IPO13: variants seen among roughly 807,000 people sequenced by gnomAD.
IPO13 encodes importin-13.
In IPO13, 28 loss-of-function variants were observed where a neutral mutation model predicts 115.5. That is an observed-to-expected ratio of 0.24 (90% CI 0.18 to 0.33). The LOEUF is 0.33. Ranked by LOEUF, IPO13 falls within the 10% of genes least tolerant of loss-of-function variation. The pLI is 1.00. For missense variants in IPO13, 785 were observed against 1,204.6 expected, an observed-to-expected ratio of 0.65 and a Z score of 5.16; for synonymous variants, 414 against 478.9, an observed-to-expected ratio of 0.86 and a Z score of 1.77.
At position 43,966,139 on chromosome 1, in the gene IPO13, G is replaced by A; in HGVS notation, c.2398-436G>A. 1.1e-5 allele frequency: 3 copies of A among 262,604 alleles called. No individual in the cohort carries two copies. Among genetic ancestry groups the A allele is most frequent in the Non-Finnish European group, 2.3e-5 (3 of 131,616 alleles). The allele number at this position is 262,604 out of a possible 1,614,324, so 16.3% of individuals were successfully genotyped here. A position where few individuals can be genotyped will look rare whatever the true frequency, so the allele number is the denominator to read the frequency against. ...GAGGGACATGGGAGGAGGGCTGTTG[G>A]GCTGAGGGCTCCCTGTCTGGCTGCC... On this transcript the variant is annotated intron_variant, in intron 15 of 19. Transcript: ENST00000372343. The surrounding 1 kb of genome is among the most constrained non-coding windows in gnomAD (Gnocchi z 4.1).
Position 43,947,300 on chromosome 1 carries a change from A to G in IPO13, c.-301A>G, listed in dbSNP as rs996703910. The stretch of plus-strand genomic sequence containing the variant: ...CTCCCTCCCCTGTGACTCCCTCCAC[A>G]CAGATTCTGGGGACAGAGCTGTTAC... On this transcript the variant is annotated 5_prime_UTR_variant, in exon 1 of 20. Coordinates refer to ENST00000372343, the MANE Select transcript of IPO13 (RefSeq NM_014652.4). 3 of 398,890 alleles carry G rather than the reference A, an allele frequency of 7.5e-6. No homozygotes were observed. The highest frequency in any genetic ancestry group is 6.2e-4 in the Middle Eastern group (1 of 1,612). 24.7% of individuals were successfully genotyped at this position (398,890 alleles called of 1,614,324 possible).
chr1:43,949,512 C>T lies in IPO13; in HGVS notation c.180C>T (p.His60=), dbSNP rs199832608. The T allele has an allele frequency of 1.3e-5, 21 of 1,614,210 alleles. No individual in the cohort carries two copies. The Admixed American group carries it at 3.3e-4, about 26-fold the overall frequency. ...CCCAGGTCTCCCCACAGGCCTGGCA[C>T]TTCAGCTGGCAGCTACTGCAGCCCG... ...MQAQVSPQAW[H]FSWQLLQPDK... Residue 60 remains histidine, a synonymous_variant, in exon 2 of 20, where the codon CAC becomes CAT. Coordinates refer to ENST00000372343, the MANE Select transcript of IPO13 (RefSeq NM_014652.4).
At chr1:43,964,038 G>A (rs528891636) in intron 14 of IPO13, among the ~76,000 whole-genome samples, 3 of 152,348 alleles carry the variant, frequency 2.0e-5, no homozygotes, top group East Asian at 1.9e-4. Context: ...GGGAGTAGGC[G>A]GAAGGCCCCT....
Position 43,956,717 on chromosome 1 carries a change from C to T in IPO13, c.1104+16C>T, listed in dbSNP as rs771852341. 7 of 1,614,202 alleles carry T rather than the reference C, an allele frequency of 4.3e-6. No homozygotes were observed. Among genetic ancestry groups the T allele is most frequent in the Non-Finnish European group, 5.9e-6 (7 of 1,180,020 alleles). On this transcript the variant is annotated intron_variant, in intron 4 of 19. Transcript: ENST00000372343. This position sits in a 1 kb window ranked among gnomAD's most constrained non-coding sequence, Gnocchi z 4.7. ...CACACTGCAGGTGTGTCTGTGTGAC[C>T]TCCAGTAGGACTGGGCTGTGGTGGA...
At position 43,949,874 on chromosome 1, in the gene IPO13, G is replaced by A. The variant is rs373271156; in HGVS notation, c.542G>A (p.Arg181His). The A allele has an allele frequency of 3.1e-6, 5 of 1,612,098 alleles. No individual in the cohort carries two copies. In the Admixed American group the frequency reaches 5.0e-5, roughly 16 times the overall value. The change falls in exon 2 of 20, where the codon CGC (arginine) becomes CAC (histidine). Residue 181 changes from arginine (R) to histidine (H), a missense_variant. By Grantham distance (29) the Arg-to-His change is conservative. Coordinates refer to ENST00000372343, the MANE Select transcript of IPO13 (RefSeq NM_014652.4). ...TVLPEEFQTSRLPQYRKGLVR... is the reference protein window; with the variant it reads ...TVLPEEFQTSHLPQYRKGLVR... ...CTGCCTGAGGAGTTCCAGACCAGTC[G>A]CCTACCCCAGTACCGCAAAGGCCTG... is the stretch of plus-strand genomic sequence containing the variant.
chr1:43,961,433 T>C (rs770993307), intron 14 of IPO13, among the ~76,000 whole-genome samples, 171 bp downstream of exon 14: 4 of 152,210 alleles, frequency 2.6e-5, no homozygotes, highest in African/African-American at 9.6e-5. Context: ...GTTGAAACTT[T>C]AGGTTGAAGT....
At position 43,947,272 on chromosome 1, in the gene IPO13, G is replaced by A. The variant is rs1056857542; in HGVS notation, c.-329G>A. On this transcript the variant is annotated 5_prime_UTR_variant, in exon 1 of 20. Coordinates refer to ENST00000372343, the MANE Select transcript of IPO13 (RefSeq NM_014652.4). ...AGCCAGGGACTCGGTTTCCCCCGCA[G>A]GCCTCCCTCCCCTGTGACTCCCTCC... is the stretch of plus-strand genomic sequence containing the variant. The A allele has an allele frequency of 8.5e-5, 34 of 398,902 alleles. No individual in the cohort carries two copies. Among genetic ancestry groups the A allele is most frequent in the Non-Finnish European group, 1.5e-4 (33 of 226,284 alleles). 24.7% of individuals were successfully genotyped at this position (398,902 alleles called of 1,614,324 possible).
At chr1:43,962,291 G>A (rs2085295290) in intron 14 of IPO13, among the ~76,000 whole-genome samples, 2 of 152,062 alleles carry the variant, frequency 1.3e-5, no homozygotes. Context: ...CTCTCGGTTG[G>A]TCCACTTCTA....
rs192233656 is a variant in IPO13 at position 43,950,939 on chromosome 1, A to G, written c.821+786A>G. Among the ~76,000 whole-genome samples the G allele has an allele frequency of 2.0e-5, 3 of 152,260 alleles. No homozygotes were observed. In the East Asian group the frequency reaches 5.8e-4, roughly 29 times the overall value. Reference sequence around the variant, plus strand: ...CATGATTTCTCTCACCTCTGTGAGGACAGGGACTCTGTCATTTTACTTTGT... The same window carrying G: ...CATGATTTCTCTCACCTCTGTGAGGGCAGGGACTCTGTCATTTTACTTTGT... On this transcript the variant is annotated intron_variant, in intron 2 of 19. Transcript: ENST00000372343.
At chr1:43,962,734 T>A (rs2085298315) in intron 14 of IPO13, among the ~76,000 whole-genome samples, 1 of 152,244 alleles carries the variant, frequency 6.6e-6, no homozygotes, top group Admixed American at 6.5e-5. Flanking sequence ...AATTTCTCTC[T>A]GAGGCAGAAT....
intron 14 of IPO13, among the ~76,000 whole-genome samples, chr1:43,963,214 G>A (rs2085301254): frequency 6.6e-6 from 1 of 152,226 alleles, no homozygotes; most frequent in African/African-American, 2.4e-5. Context: ...CTACTTAGTG[G>A]TGTCTTAGGC....
chr1:43,950,508 G>A (rs547273510), intron 2 of IPO13, among the ~76,000 whole-genome samples: 1 of 152,070 alleles, frequency 6.6e-6, no homozygotes, highest in African/African-American at 2.4e-5. Flanking sequence ...CCAGATTACT[G>A]TAGAGCTTGT....
chr1:43,947,665 C>G lies in IPO13; in HGVS notation c.65C>G (p.Thr22Ser). The change falls in exon 1 of 20, where the codon ACT becomes AGT. Residue 22 changes from threonine (T) to serine (S), a missense_variant. Thr to Ser is a moderately conservative substitution (Grantham distance 58). Transcript: ENST00000372343. Reference sequence around the variant, plus strand: ...GGAGCAGCACCAGCCTTGGACTTCACTGTGGAGAACGTGGAGAAGGTATGA... The same window carrying G: ...GGAGCAGCACCAGCCTTGGACTTCAGTGTGGAGAACGTGGAGAAGGTATGA... ...GAGAAPALDF[T>S]VENVEKALHQ... 1 of 1,324,988 alleles carries G rather than the reference C, an allele frequency of 7.5e-7. No individual in the cohort carries two copies. Among genetic ancestry groups the G allele is most frequent in the South Asian group, 2.2e-5 (1 of 46,086 alleles). 82.1% of individuals were successfully genotyped at this position (1,324,988 alleles called of 1,614,324 possible).
In IPO13 at chr1:43,956,142, G is replaced by T. The variant is rs2085246354; in HGVS notation, c.822-178G>T. Reference sequence around the variant, plus strand: ...TTCTTCTGGGGGTCCCTGATCTAAGGTTCTTCCCAACATTGGGAACATCAA... The same window carrying T: ...TTCTTCTGGGGGTCCCTGATCTAAGTTTCTTCCCAACATTGGGAACATCAA... On this transcript the variant is annotated intron_variant, in intron 2 of 19. Coordinates refer to ENST00000372343, the MANE Select transcript of IPO13 (RefSeq NM_014652.4). This position sits in a 1 kb window ranked among gnomAD's most constrained non-coding sequence, Gnocchi z 4.7. 1.3e-5 allele frequency among the ~76,000 whole-genome samples: 2 copies of T among 152,040 alleles called. No homozygotes were observed. Among genetic ancestry groups the T allele is most frequent in the Non-Finnish European group, 1.5e-5 (1 of 68,028 alleles).
intron 2 of IPO13, among the ~76,000 whole-genome samples, chr1:43,951,463 AG>A (rs2085208323): frequency 6.6e-6 from 1 of 152,240 alleles, no homozygotes; most frequent in African/African-American, 2.4e-5. Flanking sequence ...TTCCAGCCCA[AG>A]CAAGGGAAGG....
chr1:43,960,042 C>T (rs1297730704), intron 11 of IPO13, among the ~76,000 whole-genome samples: 1 of 152,108 alleles, frequency 6.6e-6, no homozygotes, highest in Non-Finnish European at 1.5e-5. Flanking sequence ...TTGAGATGAT[C>T]CCTAGAATTC....
Position 43,967,704 on chromosome 1 carries a change from C to T in IPO13, c.*22C>T, listed in dbSNP as rs2085336734. ...CTGAGGGGTGCCCCCATCCCATCCA[C>T]CCCTTCTCTTCATCCTTCCCTATTC... On this transcript the variant is annotated 3_prime_UTR_variant, in exon 20 of 20. Coordinates refer to ENST00000372343, the MANE Select transcript of IPO13 (RefSeq NM_014652.4). The surrounding 1 kb of genome is among the most constrained non-coding windows in gnomAD (Gnocchi z 6.1). The T allele has an allele frequency of 5.0e-6, 8 of 1,601,896 alleles. No homozygotes were observed. The highest frequency in any genetic ancestry group is 1.1e-5 in the South Asian group (1 of 90,806).
At position 43,950,078 on chromosome 1, in the gene IPO13, C is replaced by T; in HGVS notation, c.746C>T (p.Ala249Val). The change falls in exon 2 of 20, where the codon GCT becomes GTT. Residue 249 changes from alanine to valine, a missense_variant. Transcript: ENST00000372343. The stretch of plus-strand genomic sequence containing the variant: ...GCGCTCATTCAGGCTGCCTTTGCTG[C>T]TCTGCAGGACTCGGAGCTCTTCGAC... ...CEALIQAAFA[A>V]LQDSELFDSS... The T allele has an allele frequency of 6.2e-7, 1 of 1,613,918 alleles. No individual in the cohort carries two copies. Among genetic ancestry groups the T allele is most frequent in the Non-Finnish European group, 8.5e-7 (1 of 1,180,010 alleles).
intron 15 of IPO13, among the ~76,000 whole-genome samples, chr1:43,965,150 G>T (rs1000323710): frequency 6.6e-6 from 1 of 151,978 alleles, no homozygotes; most frequent in African/African-American, 2.4e-5. Context: ...TTGTGGCATT[G>T]GTATGTCTGT....
Sources: allele counts gnomAD v4.1 joint callset (sites outside exome capture counted in the v4.1 genomes callset), GRCh38; gene constraint gnomAD v4.1.1; non-coding constraint Gnocchi (gnomAD v3.1); transcripts MANE v1.5; gene names NCBI Gene and HGNC (gene_info 2026-07-23, HGNC 2026-07-21).